Variants in PPRC1 observed in about 807,000 individuals in gnomAD.
The protein encoded by PPRC1 is peroxisome proliferator-activated receptor gamma coactivator-related protein 1.
A neutral mutation model predicts 132.5 loss-of-function variants in PPRC1; 23 were observed. The ratio of observed to expected loss-of-function variants is 0.17; its 90% CI spans 0.12 to 0.25. PPRC1 has a LOEUF of 0.25. Among genes scored for constraint, PPRC1 ranks in the 10% least tolerant of loss-of-function variants. The probability of loss-of-function intolerance (pLI) is 1.00; values close to 1 mark genes in which losing one functional copy is unlikely to be tolerated. For synonymous variants in PPRC1, 872 were observed against 833.5 expected, an observed-to-expected ratio of 1.05 and a Z score of -0.80; for missense variants, 2,006 against 2,089.1, an observed-to-expected ratio of 0.96 and a Z score of 0.78.
rs111578439 is a variant in PPRC1 at position 102,145,176 on chromosome 10, G to A, written c.3679+86G>A. 319 of 1,284,396 alleles carry A rather than the reference G, an allele frequency of 2.5e-4. 2 individuals are homozygous for A. In the East Asian group the frequency reaches 3.2e-3, roughly 13 times the overall value. 79.6% of individuals were successfully genotyped at this position (1,284,396 alleles called of 1,614,324 possible). A position where few individuals can be genotyped will look rare whatever the true frequency, so the allele number is the denominator to read the frequency against. On this transcript the variant is annotated intron_variant, in intron 8 of 13. Coordinates refer to ENST00000278070, the MANE Select transcript of PPRC1 (RefSeq NM_015062.5). ...TACTCCAAATCCATTGTGTGTAGGC[G>A]TTAAGGACATAGAGATCTGATCTCC...
Position 102,148,801 on chromosome 10 carries a change from T to TC in PPRC1, c.4618-15dup, listed in dbSNP as rs756364983. 21 of 1,614,144 alleles carry TC rather than the reference T, an allele frequency of 1.3e-5. No homozygotes were observed. The African/African-American group carries it at 2.7e-4, about 20-fold the overall frequency. On this transcript the variant is annotated splice_polypyrimidine_tract_variant and intron_variant, in intron 11 of 13. Transcript: ENST00000278070. The surrounding 1 kb of genome is among the most constrained non-coding windows in gnomAD (Gnocchi z 4.2). Reference sequence around the variant, plus strand: ...TGGCTAATGGTGTGTTGATTTTTTTTCATTTCCAAACATAGGAAGAAAGAA... The same window carrying TC: ...TGGCTAATGGTGTGTTGATTTTTTTTCCATTTCCAAACATAGGAAGAAAGAA...
chr10:102,120,405 G>A, the PPRC1 span: 328 of 984,262 alleles, frequency 3.3e-4, no homozygotes, highest in Non-Finnish European at 3.8e-4. Flanking sequence ...GCGTGTGCGT[G>A]TCTGTGCGCT....
chr10:102,143,794 G>A (rs2069101993), intron 6 of PPRC1, among the ~76,000 whole-genome samples: 1 of 152,154 alleles, frequency 6.6e-6, no homozygotes, highest in African/African-American at 2.4e-5. Flanking sequence ...ATGGATAGCT[G>A]GCTTTCTTAG....
chr10:102,143,171 C>G (rs2069072362), intron 6 of PPRC1, 73 bp downstream of exon 6: 1 of 1,431,492 alleles, frequency 7.0e-7, no homozygotes, highest in Non-Finnish European at 9.8e-7. Context: ...CCTGTAGTTG[C>G]TTAAACTAGG....
At chr10:102,120,905 G>T in the PPRC1 span, among the ~76,000 whole-genome samples, 1 of 152,118 alleles carries the variant, frequency 6.6e-6, no homozygotes, top group African/African-American at 2.4e-5. Flanking sequence ...CCCTGTCCGT[G>T]CTCCCTGCTG....
upstream of PPRC1, among the ~76,000 whole-genome samples, chr10:102,128,888 A>ACAGGC (rs1197141596): frequency 2.1e-5 from 3 of 144,096 alleles, no homozygotes; most frequent in Admixed American, 2.1e-4. Flanking sequence ...TGCTGGGATT[A>ACAGGC]CAGGCCTGAG....
At chr10:102,144,360 C>T in intron 7 of PPRC1, 53 bp downstream of exon 7, 5 of 1,556,230 alleles carry the variant, frequency 3.2e-6, no homozygotes, top group Non-Finnish European at 3.5e-6. Context: ...CAGCAGCCGG[C>T]TGACACTCCA....
chr10:102,149,420 AC>A, intron 13 of PPRC1, 91 bp downstream of exon 13: 2 of 1,386,338 alleles, frequency 1.4e-6, no homozygotes, highest in Non-Finnish European at 1.9e-6. Context: ...AGGCAGACTT[AC>A]CTTAGTTTGA....
chr10:102,133,883 G>GT (rs113762917), intron 1 of PPRC1, among the ~76,000 whole-genome samples: 13 of 149,810 alleles, frequency 8.7e-5, no homozygotes, highest in East Asian at 2.0e-4. Context: ...AGCCTTGGAG[G>GT]TTTTTTTTTT....
chr10:102,135,370 A>ATATTTTGT, intron 1 of PPRC1, among the ~76,000 whole-genome samples: 1 of 152,142 alleles, frequency 6.6e-6, no homozygotes, highest in South Asian at 2.1e-4. Context: ...ATATATATAT[A>ATATTTTGT]TATTTTGTTG....
chr10:102,149,392 C>G (rs1310482602), intron 13 of PPRC1, 63 bp downstream of exon 13: 1 of 1,484,440 alleles, frequency 6.7e-7, no homozygotes, highest in Non-Finnish European at 9.0e-7. Flanking sequence ...GGGTTCCTAA[C>G]CCTTTGTGAG....
chr10:102,140,168 C>T lies in PPRC1; in HGVS notation c.1660C>T (p.Pro554Ser), dbSNP rs923673744. ...AGQSSPAKEG[P>S]LDLYPKLADT... ...ACAAAGTAGTCCTGCTAAAGAAGGC[C>T]CTCTAGACCTCTACCCAAAGCTGGC... The change falls in exon 5 of 14, where the codon CCT (proline) becomes TCT (serine). Residue 554 changes from proline to serine, a missense_variant. Physicochemically the swap from Pro to Ser is moderately conservative, Grantham distance 74 (BLOSUM62 -1). Around this residue, in one of 2 missense-constraint regions of PPRC1, gnomAD observed 1,914 missense variants for 1,917.2 expected, o/e 1.00. Coordinates refer to ENST00000278070, the MANE Select transcript of PPRC1 (RefSeq NM_015062.5). The T allele has an allele frequency of 9.9e-6, 16 of 1,614,170 alleles. No homozygotes were observed. Among genetic ancestry groups the T allele is most frequent in the Non-Finnish European group, 1.3e-5 (15 of 1,180,032 alleles).
intron 1 of PPRC1, among the ~76,000 whole-genome samples, chr10:102,136,234 C>A (rs1208581415): frequency 6.6e-6 from 1 of 152,116 alleles, no homozygotes; most frequent in East Asian, 1.9e-4. Context: ...CTGGGCCTGG[C>A]CTCCTAACGC....
chr10:102,138,235 T>G (rs2068797779), intron 2 of PPRC1, among the ~76,000 whole-genome samples, 197 bp downstream of exon 2: 1 of 152,228 alleles, frequency 6.6e-6, no homozygotes, highest in Non-Finnish European at 1.5e-5. Flanking sequence ...ATGTAAGAAT[T>G]CCTTTCCTAG....
At chr10:102,138,124 C>T (rs1055674463) in intron 2 of PPRC1, 86 bp downstream of exon 2, 1 of 1,386,996 alleles carries the variant, frequency 7.2e-7, no homozygotes, top group Non-Finnish European at 9.8e-7. Context: ...GCTCTGCTCT[C>T]CCAGGACCTT....
At chr10:102,120,791 C>G in the PPRC1 span, among the ~76,000 whole-genome samples, 1 of 152,098 alleles carries the variant, frequency 6.6e-6, no homozygotes, top group South Asian at 2.1e-4. Context: ...CTGGCTGAGC[C>G]GGAGCGGGAG....
upstream of PPRC1, among the ~76,000 whole-genome samples, chr10:102,131,865 C>A (rs2068548165): frequency 6.6e-6 from 1 of 152,118 alleles, no homozygotes; most frequent in African/African-American, 2.4e-5. Context: ...GCCATGTTGT[C>A]CAGGCTGGTC....
chr10:102,146,641 C>G, intron 8 of PPRC1, 31 bp from the exon 9 acceptor site: 1 of 1,575,580 alleles, frequency 6.3e-7, no homozygotes, highest in East Asian at 2.2e-5. Context: ...GGATCTCATC[C>G]TGCTATCTCC....
upstream of PPRC1, among the ~76,000 whole-genome samples, chr10:102,128,452 A>G (rs1389273694): frequency 6.6e-6 from 1 of 150,758 alleles, no homozygotes; most frequent in Non-Finnish European, 1.5e-5. Flanking sequence ...CCCCTCTAAA[A>G]GCTTCCATTT....
Sources: gnomAD v4.1 joint callset for allele counts (sites outside exome capture counted in the v4.1 genomes callset) on GRCh38, gnomAD v4.1.1 for gene constraint, gnomAD v4.1.1 regional missense constraint, Gnocchi (gnomAD v3.1) non-coding constraint, MANE v1.5 for transcripts, NCBI Gene and HGNC (gene_info 2026-07-23, HGNC 2026-07-21) for gene names.